Variants in CBLIF observed in about 807,000 individuals in gnomAD.
The protein encoded by CBLIF is gastric intrinsic factor (vitamin B synthesis).
A neutral mutation model predicts 44.9 loss-of-function variants in CBLIF; 24 were observed. That is an observed-to-expected ratio of 0.53 (90% CI 0.39 to 0.75). CBLIF has a LOEUF of 0.75. Ranked by LOEUF, CBLIF falls within the 30% of genes least tolerant of loss-of-function variation. The probability of loss-of-function intolerance (pLI) is 0.00; values close to 1 mark genes in which losing one functional copy is unlikely to be tolerated. For synonymous variants in CBLIF, 183 were observed against 190.9 expected, an observed-to-expected ratio of 0.96 and a Z score of 0.34; for missense variants, 481 against 513.0, an observed-to-expected ratio of 0.94 and a Z score of 0.60.
rs772410722 is a variant in CBLIF, at chr11:59,829,476, C to A, written c.*8G>T. ...AGATGTTTGATAGAAGCTGAACCCA[C>A]CTCTTCGTTAGTACTGTGTGAAATT... On this transcript the variant is annotated 3_prime_UTR_variant, in exon 9 of 9. Transcript: ENST00000257248. 1.3e-6 allele frequency: 2 copies of A among 1,588,424 alleles called. No individual in the cohort carries two copies. The highest frequency in any genetic ancestry group is 1.7e-6 in the Non-Finnish European group (2 of 1,156,398).
intron 6 of CBLIF, among the ~76,000 whole-genome samples, chr11:59,836,318 A>C (rs1866456240): frequency 6.6e-6 from 1 of 151,714 alleles, no homozygotes; most frequent in Admixed American, 6.6e-5. Context: ...CGAGAAACTT[A>C]TTAATTGCTT....
rs530946823 is a variant in CBLIF, at chr11:59,829,894, C to G, written c.1193-349G>C. Reference sequence around the variant, plus strand: ...TGACCGCTGGGTACCTAATACAGTACCTGACACAGAATAATTGTGCAATAA... The same window carrying G: ...TGACCGCTGGGTACCTAATACAGTAGCTGACACAGAATAATTGTGCAATAA... On this transcript the variant is annotated intron_variant, in intron 8 of 8. Coordinates refer to ENST00000257248, the MANE Select transcript of CBLIF (RefSeq NM_005142.3). Among the ~76,000 whole-genome samples the G allele has an allele frequency of 2.0e-5, 3 of 152,130 alleles. No homozygotes were observed. The South Asian group carries it at 6.2e-4, about 32-fold the overall frequency.
intron 7 of CBLIF, among the ~76,000 whole-genome samples, chr11:59,834,395 G>GT (rs367748738): frequency 0.091 from 4,730 of 52,098 alleles, 422 homozygotes; most frequent in East Asian, 0.16. Flanking sequence ...CCTTTTTTTT[G>GT]TTTTTTTTTT....
intron 6 of CBLIF, 77 bp downstream of exon 6, chr11:59,837,097 G>T: frequency 1.8e-6 from 2 of 1,102,906 alleles, no homozygotes; most frequent in Non-Finnish European, 2.8e-6. Flanking sequence ...AAGCCTATAT[G>T]CCACTTAACA....
rs749750982 is a variant in CBLIF, at chr11:59,841,214, C to T, written c.622G>A (p.Glu208Lys). 5 of 1,613,282 alleles carry T rather than the reference C, an allele frequency of 3.1e-6. No individual in the cohort carries two copies. Among genetic ancestry groups the T allele is most frequent in the Non-Finnish European group, 4.2e-6 (5 of 1,179,194 alleles). ...TCTTTGATCTTCATGCTGATTTTCT[C>T]CACAATATCCTTTAGTACCTGACCA... is the stretch of plus-strand genomic sequence containing the variant. Reference protein sequence around the residue: ...LFGQVLKDIVEKISMKIKDNG... With the variant: ...LFGQVLKDIVKKISMKIKDNG... Residue 208 changes from glutamate to lysine, a missense_variant, in exon 5 of 9, where the codon GAG becomes AAG. Physicochemically the swap from Glu to Lys is moderately conservative, Grantham distance 56 (BLOSUM62 1). Coordinates refer to ENST00000257248, the MANE Select transcript of CBLIF (RefSeq NM_005142.3).
chr11:59,838,935 G>A lies in CBLIF; in HGVS notation c.694-1584C>T, dbSNP rs374391917. ...GCAATCTTGGCTCACTGCAACCTCC[G>A]TCTCCCGGGTTCAAGTGATTCTCCT... On this transcript the variant is annotated intron_variant, in intron 5 of 8. Coordinates refer to ENST00000257248, the MANE Select transcript of CBLIF (RefSeq NM_005142.3). Among the ~76,000 whole-genome samples, 10 of 145,820 alleles carry A rather than the reference G, an allele frequency of 6.9e-5. No individual in the cohort carries two copies. In the South Asian group the frequency reaches 8.5e-4, roughly 12 times the overall value.
Position 59,829,495 on chromosome 11 carries a change from T to G in CBLIF, c.1243A>C (p.Thr415Pro). The G allele has an allele frequency of 6.2e-7, 1 of 1,608,338 alleles. No homozygotes were observed. Among genetic ancestry groups the G allele is most frequent in the Non-Finnish European group, 8.5e-7 (1 of 1,174,694 alleles). ...FNHEHITANF[T>P]QY ...AACCCACCTCTTCGTTAGTACTGTG[T>G]GAAATTGGCTGTGATGTGCTCGTGG... The change falls in exon 9 of 9, where the codon ACA becomes CCA. Residue 415 changes from threonine to proline, a missense_variant. By Grantham distance (38) the Thr-to-Pro change is conservative (BLOSUM62 -1). Transcript: ENST00000257248.
At chr11:59,832,641 AGC>A (rs1239369897) in intron 7 of CBLIF, among the ~76,000 whole-genome samples, 33 of 152,176 alleles carry the variant, frequency 2.2e-4, no homozygotes, top group Admixed American at 6.6e-5. Context: ...TACAAAAATT[AGC>A]CAGTCTCATA....
chr11:59,836,624 G>A (rs754786410), intron 6 of CBLIF, among the ~76,000 whole-genome samples: 12 of 152,106 alleles, frequency 7.9e-5, no homozygotes, highest in African/African-American at 1.9e-4. Context: ...TATTTAGATC[G>A]TTAAGGCTCG....
At chr11:59,838,343 T>G (rs1399999214) in intron 5 of CBLIF, among the ~76,000 whole-genome samples, 1 of 152,140 alleles carries the variant, frequency 6.6e-6, no homozygotes, top group Non-Finnish European at 1.5e-5. Flanking sequence ...GGGGCTAATG[T>G]ATAAAAGCAT....
chr11:59,842,976 C>A (rs771812743), intron 3 of CBLIF, 52 bp downstream of exon 3: 10 of 1,094,432 alleles, frequency 9.1e-6, no homozygotes, highest in East Asian at 2.4e-5. Flanking sequence ...GTTTAAAATT[C>A]TTAGGTAAAA....
At chr11:59,839,100 C>T (rs1489775480) in intron 5 of CBLIF, among the ~76,000 whole-genome samples, 1 of 152,234 alleles carries the variant, frequency 6.6e-6, no homozygotes, top group Non-Finnish European at 1.5e-5. Context: ...CTGCCCGCCT[C>T]GTCCTCCCAA....
At chr11:59,843,858 C>T (rs747778363) in intron 2 of CBLIF, 21 bp downstream of exon 2, 11 of 1,590,096 alleles carry the variant, frequency 6.9e-6, no homozygotes, top group South Asian at 5.5e-5. Context: ...AGGGAGAGTG[C>T]GAGCGGCTCA....
intron 7 of CBLIF, among the ~76,000 whole-genome samples, chr11:59,834,904 C>T (rs960035155): frequency 6.6e-6 from 1 of 152,188 alleles, no homozygotes; most frequent in Admixed American, 6.5e-5. Flanking sequence ...TCACTTCACA[C>T]CTCCATTATT....
chr11:59,839,154 G>C (rs549030405), intron 5 of CBLIF, among the ~76,000 whole-genome samples: 6 of 152,216 alleles, frequency 3.9e-5, no homozygotes, highest in African/African-American at 1.2e-4. Context: ...TGGCCTATCA[G>C]ATCCCTTTTC....
Position 59,840,298 on chromosome 11 carries a change from T to C in CBLIF, c.693+845A>G, listed in dbSNP as rs139128702. 4.0e-3 allele frequency among the ~76,000 whole-genome samples: 605 copies of C among 152,324 alleles called. 6 individuals are homozygous for C. Among genetic ancestry groups the C allele is most frequent in the African/African-American group, 0.014 (577 of 41,584 alleles). Reference sequence around the variant, plus strand: ...CACCATTCCATGATTCTCCCTTTAGTGGGCTTTCTGAGTTGAAGAGTCCCT... The same window carrying C: ...CACCATTCCATGATTCTCCCTTTAGCGGGCTTTCTGAGTTGAAGAGTCCCT... On this transcript the variant is annotated intron_variant, in intron 5 of 8. Coordinates refer to ENST00000257248, the MANE Select transcript of CBLIF (RefSeq NM_005142.3).
At chr11:59,840,357 A>G (rs919069327) in intron 5 of CBLIF, among the ~76,000 whole-genome samples, 1 of 152,176 alleles carries the variant, frequency 6.6e-6, no homozygotes, top group Non-Finnish European at 1.5e-5. Context: ...ATTTTGAGAC[A>G]CTGGAGCTCA....
chr11:59,843,256 T>A, intron 2 of CBLIF, 115 bp from the exon 3 acceptor site: 1 of 709,238 alleles, frequency 1.4e-6, no homozygotes, highest in Non-Finnish European at 2.6e-6. Context: ...TTTAATAATA[T>A]GAGCAGTTCT....
intron 8 of CBLIF, among the ~76,000 whole-genome samples, chr11:59,831,056 A>C (rs1479345101): frequency 6.6e-6 from 1 of 152,262 alleles, no homozygotes; most frequent in Non-Finnish European, 1.5e-5. Context: ...GACAGTTAAC[A>C]TCAGGTTAAC....
Sources: allele counts gnomAD v4.1 joint callset (sites outside exome capture counted in the v4.1 genomes callset), GRCh38; gene constraint gnomAD v4.1.1; transcripts MANE v1.5; gene names NCBI Gene and HGNC (gene_info 2026-07-23, HGNC 2026-07-21).